Variants in MTUS1 observed in about 807,000 individuals in gnomAD.
MTUS1 encodes microtubule associated scaffold protein 1.
MTUS1 carries 109 observed loss-of-function variants against 120.8 expected under a neutral mutation model. The ratio of observed to expected loss-of-function variants is 0.90; its 90% confidence interval spans 0.77 to 1.06. MTUS1 has a LOEUF of 1.06. Among genes scored for constraint, MTUS1 ranks in the 50% least tolerant of loss-of-function variants. MTUS1 has a pLI of 0.00. For missense variants in MTUS1, 2,210 were observed against 1,486.3 expected (o/e 1.49, Z -8.01); for synonymous variants, 737 against 550.5 (o/e 1.34, Z -4.74).
At chr8:17,759,053 C>T (rs1968041) in intron 1 of MTUS1, among the ~76,000 whole-genome samples, 53,776 of 150,500 alleles carry the variant, frequency 0.36, 10,114 homozygotes, top group South Asian at 0.63. Flanking sequence ...GGCTCATTTT[C>T]TGTATTTTTA....
chr8:17,648,176 T>C (rs1176716097), intron 13 of MTUS1, among the ~76,000 whole-genome samples: 5 of 152,204 alleles, frequency 3.3e-5, no homozygotes, highest in African/African-American at 9.6e-5. Context: ...ATGGGAAAGC[T>C]GTCTTTCTTA....
intron 6 of MTUS1, among the ~76,000 whole-genome samples, chr8:17,695,829 G>A (rs549381014): frequency 6.6e-6 from 1 of 152,240 alleles, no homozygotes; most frequent in South Asian, 2.1e-4. Flanking sequence ...GACCTGCATA[G>A]ATTTACATGT....
chr8:17,677,743 T>G (rs1379893068), intron 7 of MTUS1, among the ~76,000 whole-genome samples: 1 of 152,170 alleles, frequency 6.6e-6, no homozygotes, highest in Admixed American at 6.5e-5. Flanking sequence ...CAGGAAAACC[T>G]TGAGGTCATC....
chr8:17,776,413 C>T (rs544797781), intron 1 of MTUS1, among the ~76,000 whole-genome samples: 1 of 152,060 alleles, frequency 6.6e-6, no homozygotes. Context: ...AGGCCCAGTG[C>T]AGTCAGGCCT....
chr8:17,722,075 C>G (rs1033908397), intron 4 of MTUS1: 5 of 1,333,910 alleles, frequency 3.7e-6, no homozygotes, highest in Admixed American at 3.4e-5. Context: ...AAGAAAGAGA[C>G]TCACTGATTT....
At chr8:17,778,648 A>G (rs1193851645) in intron 1 of MTUS1, among the ~76,000 whole-genome samples, 1 of 152,032 alleles carries the variant, frequency 6.6e-6, no homozygotes, top group Non-Finnish European at 1.5e-5. Context: ...TCTCTACCAA[A>G]AAATCCAAAA....
chr8:17,779,790 G>A (rs1164056081), intron 1 of MTUS1, among the ~76,000 whole-genome samples: 1 of 152,200 alleles, frequency 6.6e-6, no homozygotes, highest in Non-Finnish European at 1.5e-5. Context: ...GTTGGAGGGG[G>A]GGCGGGGGCA....
intron 7 of MTUS1, among the ~76,000 whole-genome samples, chr8:17,680,912 T>C (rs57661227): frequency 0.56 from 85,126 of 151,734 alleles, 24,905 homozygotes; most frequent in Middle Eastern, 0.7. Context: ...CAAGGTGGAC[T>C]TGTGTTCTTC....
chr8:17,682,612 T>C (rs1022961828), intron 7 of MTUS1, among the ~76,000 whole-genome samples: 5 of 148,362 alleles, frequency 3.4e-5, no homozygotes, highest in Non-Finnish European at 7.4e-5. Context: ...AGCAAAGACA[T>C]AGGAAGGGGA....
chr8:17,779,147 G>C (rs541597533), intron 1 of MTUS1, among the ~76,000 whole-genome samples: 2 of 152,344 alleles, frequency 1.3e-5, no homozygotes, highest in South Asian at 4.1e-4. Flanking sequence ...TAAGGAGGCA[G>C]AGACTGGAAA....
At chr8:17,713,562 T>C (rs7846012) in intron 5 of MTUS1, among the ~76,000 whole-genome samples, 1,602 of 152,336 alleles carry the variant, frequency 0.011, 30 homozygotes, top group African/African-American at 0.036. Context: ...TTAACAGTAC[T>C]GAATTCACAG....
intron 8 of MTUS1, among the ~76,000 whole-genome samples, chr8:17,673,022 G>C (rs1000057942): frequency 6.6e-6 from 1 of 152,164 alleles, no homozygotes; most frequent in African/African-American, 2.4e-5. Flanking sequence ...GCTGAAATGT[G>C]AACCTCTAGG....
intron 1 of MTUS1, among the ~76,000 whole-genome samples, chr8:17,790,910 C>G (rs1207545666): frequency 6.6e-6 from 1 of 152,118 alleles, no homozygotes; most frequent in Non-Finnish European, 1.5e-5. Flanking sequence ...TCGCTTGAAT[C>G]CGGGAGGTGG....
intron 3 of MTUS1, among the ~76,000 whole-genome samples, chr8:17,726,503 C>G (rs2046240187): frequency 6.6e-6 from 1 of 152,142 alleles, no homozygotes; most frequent in Admixed American, 6.5e-5. Flanking sequence ...TAAATGTTTC[C>G]TCAACAAATT....
Position 17,676,137 on chromosome 8 carries a change from A to T in MTUS1, c.2839-885T>A, listed in dbSNP as rs373666699. 5 of 638,122 alleles carry T rather than the reference A, an allele frequency of 7.8e-6. No individual in the cohort carries two copies. The African/African-American group carries it at 9.0e-5, about 11-fold the overall frequency. The allele number at this position is 638,122 out of a possible 1,614,324, so 39.5% of individuals were successfully genotyped here. A position where few individuals can be genotyped will look rare whatever the true frequency, so the allele number is the denominator to read the frequency against. Reference sequence around the variant, plus strand: ...GGAGCTCCCACCACATCCTGATCACAGCGTTGCAGAGATCATGAGACCCGG... The same window carrying T: ...GGAGCTCCCACCACATCCTGATCACTGCGTTGCAGAGATCATGAGACCCGG... On this transcript the variant is annotated intron_variant, in intron 7 of 14. Coordinates refer to ENST00000693296, the MANE Select transcript of MTUS1 (RefSeq NM_001363059.2).
chr8:17,668,867 C>T (rs1811445310), intron 8 of MTUS1, among the ~76,000 whole-genome samples: 1 of 152,156 alleles, frequency 6.6e-6, no homozygotes, highest in Admixed American at 6.5e-5. Flanking sequence ...CTGCTGTTCC[C>T]CTCTTTGTGT....
intron 1 of MTUS1, among the ~76,000 whole-genome samples, chr8:17,758,991 C>T (rs2048834742): frequency 6.6e-6 from 1 of 152,144 alleles, no homozygotes; most frequent in Non-Finnish European, 1.5e-5. Flanking sequence ...AAGCGATTAC[C>T]CTGCCTCAGC....
chr8:17,679,388 G>T (rs984545174), intron 7 of MTUS1, among the ~76,000 whole-genome samples: 16 of 151,636 alleles, frequency 1.1e-4, no homozygotes, highest in Non-Finnish European at 1.8e-4. Flanking sequence ...TATAAACACA[G>T]TATATATACT....
intron 3 of MTUS1, among the ~76,000 whole-genome samples, chr8:17,736,179 TCTC>T (rs916682602): frequency 2.0e-5 from 3 of 152,164 alleles, no homozygotes; most frequent in Admixed American, 1.3e-4. Flanking sequence ...AAAGCAATCT[TCTC>T]CATAATTACT....
Sources: gnomAD v4.1 joint callset for allele counts (sites outside exome capture counted in the v4.1 genomes callset) on GRCh38, gnomAD v4.1.1 for gene constraint, MANE v1.5 for transcripts, NCBI Gene and HGNC (gene_info 2026-07-23, HGNC 2026-07-21) for gene names.